The following CTNNA3 variants were observed in gnomAD, a reference collection of about 807,000 sequenced individuals.
The protein encoded by CTNNA3 is catenin alpha 3, also known as catenin alpha-3.
In CTNNA3, 76 loss-of-function variants were observed where a neutral mutation model predicts 95.7. The ratio of observed to expected loss-of-function variants is 0.79; its 90% CI spans 0.66 to 0.96. The LOEUF is 0.96. Among genes scored for constraint, CTNNA3 ranks in the 40% least tolerant of loss-of-function variants. The probability of loss-of-function intolerance (pLI) is 0.00; values close to 1 mark genes in which losing one functional copy is unlikely to be tolerated. For synonymous variants in CTNNA3, 431 were observed against 374.4 expected (o/e 1.15, Z -1.74); for missense variants, 1,191 against 1,089.8 (o/e 1.09, Z -1.31).
chr10:67,120,986 A>G (rs1589761806), intron 7 of CTNNA3, among the ~76,000 whole-genome samples: 1 of 152,120 alleles, frequency 6.6e-6, no homozygotes, highest in African/African-American at 2.4e-5. Flanking sequence ...TTCAGAAATA[A>G]TTTCTTCTAA....
rs527665077 is a variant in CTNNA3, at chr10:66,426,582, T to C, written c.1532-47230A>G. Among the ~76,000 whole-genome samples, 52 of 152,200 alleles carry C rather than the reference T, an allele frequency of 3.4e-4. 1 individual carries two copies. In the South Asian group the frequency reaches 0.01, roughly 30 times the overall value. ...GATTTTCACATAAAACTTAATTGCTTTGTTCTTAAGAAGTTAAAAGCCAAT... is the reference window on the plus strand; with the variant it reads ...GATTTTCACATAAAACTTAATTGCTCTGTTCTTAAGAAGTTAAAAGCCAAT... On this transcript the variant is annotated intron_variant, in intron 11 of 17. Transcript: ENST00000433211.
At chr10:66,523,767 T>C (rs746064660) in intron 10 of CTNNA3, among the ~76,000 whole-genome samples, 21 of 152,236 alleles carry the variant, frequency 1.4e-4, no homozygotes, top group Admixed American at 2.6e-4. Flanking sequence ...GCCTTGTAGG[T>C]TTCTACTTCC....
At chr10:67,665,901 C>T (rs1840321264) in intron 1 of CTNNA3, among the ~76,000 whole-genome samples, 1 of 152,050 alleles carries the variant, frequency 6.6e-6, no homozygotes, top group Non-Finnish European at 1.5e-5. Flanking sequence ...CACTGTAAAT[C>T]CCAAAGTAGA....
chr10:66,053,598 TTTTG>T (rs2080009470), intron 15 of CTNNA3, among the ~76,000 whole-genome samples: 2 of 152,004 alleles, frequency 1.3e-5, no homozygotes, highest in East Asian at 3.9e-4. Context: ...TTCTTTCTAT[TTTTG>T]TACCCATTAA....
chr10:67,175,339 TC>T (rs1862191682), intron 7 of CTNNA3, among the ~76,000 whole-genome samples: 1 of 152,174 alleles, frequency 6.6e-6, no homozygotes, highest in African/African-American at 2.4e-5. Flanking sequence ...AAATGCATTT[TC>T]AGGAGTGAGA....
Position 66,668,422 on chromosome 10 carries a change from ATGTGTGTGTGTG to A in CTNNA3, c.1282-46650_1282-46639del, listed in dbSNP as rs3055580. 4.8e-5 allele frequency among the ~76,000 whole-genome samples: 7 copies of A among 146,914 alleles called. 1 individual carries two copies. In the South Asian group the frequency reaches 8.8e-4, roughly 19 times the overall value. On this transcript the variant is annotated intron_variant, in intron 9 of 17. Transcript: ENST00000433211. ...CTAAAACTTTTTTCTCAACTCTCATATGTGTGTGTGTGTGTGTGTGTGTGTGTGTGTGTGTGA... is the reference window on the plus strand; with the variant it reads ...CTAAAACTTTTTTCTCAACTCTCATATGTGTGTGTGTGTGTGTGTGTGTGA...
At chr10:67,527,626 T>G (rs1035441068) in intron 4 of CTNNA3, among the ~76,000 whole-genome samples, 2 of 152,228 alleles carry the variant, frequency 1.3e-5, no homozygotes, top group African/African-American at 4.8e-5. Flanking sequence ...TTTTAACAAT[T>G]TTAATTTCAT....
intron 15 of CTNNA3, among the ~76,000 whole-genome samples, chr10:66,054,131 ATGGATACAT>A (rs2133547551): frequency 6.6e-6 from 1 of 152,244 alleles, no homozygotes; most frequent in East Asian, 1.9e-4. Flanking sequence ...TTATCCTTTG[ATGGATACAT>A]AATTTTATTC....
chr10:67,619,587 T>G (rs1843760268), intron 2 of CTNNA3, among the ~76,000 whole-genome samples: 1 of 152,218 alleles, frequency 6.6e-6, no homozygotes, highest in Non-Finnish European at 1.5e-5. Context: ...CTAGATCTGA[T>G]AGACTAGATC....
rs1313924897 is a variant in CTNNA3, at chr10:67,656,604, TGGGTGATAGGGAA to T, written c.-5-9099_-5-9087del. 8.3e-4 allele frequency among the ~76,000 whole-genome samples: 126 copies of T among 151,992 alleles called. 4 individuals carry two copies. The highest frequency in any genetic ancestry group is 8.3e-3 in the Admixed American group (126 of 15,256). ...AAAAGCAGAATAGAGTAGGCAGGGC[TGGGTGATAGGGAA>T]GTTCAGAGCAGATTTCAGTATTAAA... On this transcript the variant is annotated intron_variant, in intron 1 of 17. Transcript: ENST00000433211.
intron 7 of CTNNA3, among the ~76,000 whole-genome samples, chr10:66,944,017 T>C (rs989843767): frequency 2.0e-5 from 3 of 152,118 alleles, no homozygotes; most frequent in East Asian, 3.9e-4. Context: ...TTGCTAAAAG[T>C]TGAGGTGACT....
At chr10:66,415,861 CA>C (rs1036245486) in intron 11 of CTNNA3, among the ~76,000 whole-genome samples, 46 of 152,104 alleles carry the variant, frequency 3.0e-4, no homozygotes, top group African/African-American at 1.1e-3. Flanking sequence ...CCTGTGAAAG[CA>C]AATTGAAAAA....
chr10:65,990,303 A>G (rs2078516631), intron 15 of CTNNA3, among the ~76,000 whole-genome samples: 1 of 150,844 alleles, frequency 6.6e-6, no homozygotes, highest in Non-Finnish European at 1.5e-5. Context: ...AGAAATATCC[A>G]TATTGTTTTC....
intron 11 of CTNNA3, among the ~76,000 whole-genome samples, chr10:66,402,447 A>G (rs949580654): frequency 6.6e-6 from 1 of 152,240 alleles, no homozygotes; most frequent in Non-Finnish European, 1.5e-5. Flanking sequence ...CAAATGAACC[A>G]ATATCATACA....
intron 11 of CTNNA3, among the ~76,000 whole-genome samples, chr10:66,438,039 C>A (rs1429045115): frequency 6.6e-6 from 1 of 152,168 alleles, no homozygotes; most frequent in African/African-American, 2.4e-5. Flanking sequence ...TGCAGAACAG[C>A]AAAGAGTGCT....
At chr10:66,233,430 A>G (rs1480880970) in intron 13 of CTNNA3, among the ~76,000 whole-genome samples, 1 of 152,148 alleles carries the variant, frequency 6.6e-6, no homozygotes, top group Non-Finnish European at 1.5e-5. Flanking sequence ...TACACTCATC[A>G]GACCAATGAA....
chr10:66,226,781 G>T (rs1179207446), intron 13 of CTNNA3, among the ~76,000 whole-genome samples: 2 of 151,440 alleles, frequency 1.3e-5, no homozygotes, highest in Non-Finnish European at 2.9e-5. Flanking sequence ...CTCCTTGGTT[G>T]AATTTATTCT....
chr10:66,760,315 T>C (rs1839553003), intron 9 of CTNNA3, among the ~76,000 whole-genome samples: 2 of 152,164 alleles, frequency 1.3e-5, no homozygotes, highest in African/African-American at 4.8e-5. Context: ...TAATCAAATA[T>C]TTAAGGCTGT....
At chr10:67,243,326 A>G (rs1303097231) in intron 5 of CTNNA3, among the ~76,000 whole-genome samples, 3 of 152,150 alleles carry the variant, frequency 2.0e-5, no homozygotes, top group African/African-American at 7.2e-5. Context: ...TATTTCTCCA[A>G]TATACACCCT....
Sources: allele counts gnomAD v4.1 joint callset (sites outside exome capture counted in the v4.1 genomes callset), GRCh38; gene constraint gnomAD v4.1.1; transcripts MANE v1.5; gene names NCBI Gene and HGNC (gene_info 2026-07-23, HGNC 2026-07-21).